Variants in SETBP1 observed in about 807,000 individuals in gnomAD.
SETBP1 encodes SET-binding protein.
A neutral mutation model predicts 101.0 loss-of-function variants in SETBP1; 9 were observed. The observed-to-expected ratio is 0.09, with a 90% confidence interval of 0.05 to 0.16. The LOEUF (loss-of-function observed/expected upper bound fraction) is 0.16. Among genes scored for constraint, SETBP1 ranks in the 10% least tolerant of loss-of-function variants. SETBP1 has a pLI of 1.00. For missense variants in SETBP1, 1,858 were observed against 2,033.8 expected (o/e 0.91, Z 1.66); for synonymous variants, 818 against 788.5 (o/e 1.04, Z -0.63).
chr18:44,773,371 C>T (rs1231101113), intron 2 of SETBP1, among the ~76,000 whole-genome samples: 1 of 152,060 alleles, frequency 6.6e-6, no homozygotes, highest in Non-Finnish European at 1.5e-5. Context: ...ACAGACATGG[C>T]CCCAAAGGAA....
chr18:45,017,237 A>G (rs2072966337), intron 4 of SETBP1, among the ~76,000 whole-genome samples: 1 of 152,176 alleles, frequency 6.6e-6, no homozygotes, highest in Non-Finnish European at 1.5e-5. Flanking sequence ...TGGGCACGAC[A>G]CACTTTCTCA....
chr18:44,738,177 C>G (rs1321247379), intron 2 of SETBP1, among the ~76,000 whole-genome samples: 1 of 152,076 alleles, frequency 6.6e-6, no homozygotes, highest in African/African-American at 2.4e-5. Context: ...TGGCTGTGTC[C>G]CTCTGTGAGA....
intron 4 of SETBP1, among the ~76,000 whole-genome samples, chr18:44,995,420 C>T (rs555292436): frequency 1.3e-5 from 2 of 151,958 alleles, no homozygotes; most frequent in Non-Finnish European, 2.9e-5. Context: ...GGATTATAGG[C>T]GTGAGCCACT....
intron 5 of SETBP1, 58 bp from the exon 6 acceptor site, chr18:45,063,020 GC>G (rs891341632): frequency 5.0e-6 from 8 of 1,609,426 alleles, no homozygotes; most frequent in Non-Finnish European, 5.9e-6. Context: ...CAGTGAAGAG[GC>G]TGAGTTGAAG....
At chr18:44,758,237 T>C (rs2070548325) in intron 2 of SETBP1, among the ~76,000 whole-genome samples, 1 of 152,224 alleles carries the variant, frequency 6.6e-6, no homozygotes, top group African/African-American at 2.4e-5. Flanking sequence ...TCCTGAGCTT[T>C]AGCCAAATTA....
chr18:44,888,898 T>C (rs2069708003), intron 3 of SETBP1, among the ~76,000 whole-genome samples: 9 of 152,140 alleles, frequency 5.9e-5, no homozygotes, highest in Admixed American at 5.9e-4. Context: ...TTTGAAATGG[T>C]ACCTACCTAT....
intron 3 of SETBP1, chr18:44,876,616 A>G (rs911127709): frequency 6.4e-7 from 1 of 1,551,506 alleles, no homozygotes; most frequent in Non-Finnish European, 8.7e-7. Context: ...AGGCCAAGGC[A>G]TCCCATTCAA....
chr18:44,869,604 T>C (rs1599252163), intron 3 of SETBP1: 1 of 376,984 alleles, frequency 2.7e-6, no homozygotes, highest in Non-Finnish European at 5.1e-6. Context: ...AGAGGGTGGG[T>C]TGGGTTTGGG....
chr18:44,780,264 A>G (rs1871260088), intron 2 of SETBP1, among the ~76,000 whole-genome samples: 1 of 152,156 alleles, frequency 6.6e-6, no homozygotes, highest in South Asian at 2.1e-4. Flanking sequence ...TTACAAATGA[A>G]GGAAACATAC....
At chr18:44,835,953 T>C (rs2072486001) in intron 2 of SETBP1, among the ~76,000 whole-genome samples, 1 of 152,244 alleles carries the variant, frequency 6.6e-6, no homozygotes, top group Non-Finnish European at 1.5e-5. Flanking sequence ...TGGAGCTTTC[T>C]TGGAATTAAG....
intron 3 of SETBP1, among the ~76,000 whole-genome samples, chr18:44,917,421 CTTTA>C (rs1374307390): frequency 6.6e-6 from 1 of 152,072 alleles, no homozygotes; most frequent in Non-Finnish European, 1.5e-5. Context: ...CTTTTACTTT[CTTTA>C]TTTGTTTATG....
At chr18:45,041,144 T>A (rs1251937562) in intron 5 of SETBP1, among the ~76,000 whole-genome samples, 1 of 152,234 alleles carries the variant, frequency 6.6e-6, no homozygotes, top group Non-Finnish European at 1.5e-5. Flanking sequence ...TACTGCCTGA[T>A]TTCCAGTGGA....
At chr18:44,753,531 C>A (rs1022023836) in intron 2 of SETBP1, among the ~76,000 whole-genome samples, 3 of 152,208 alleles carry the variant, frequency 2.0e-5, no homozygotes, top group African/African-American at 4.8e-5. Flanking sequence ...CATTATGGAG[C>A]CTTTCTAGGC....
intron 4 of SETBP1, chr18:44,986,441 G>A (rs909639852): frequency 4.6e-5 from 7 of 151,996 alleles, no homozygotes; most frequent in Non-Finnish European, 7.4e-5. Flanking sequence ...TACACTAAAT[G>A]TATAAAAAAA....
At chr18:45,032,213 G>A (rs1025631627) in intron 4 of SETBP1, among the ~76,000 whole-genome samples, 7 of 152,086 alleles carry the variant, frequency 4.6e-5, no homozygotes, top group Admixed American at 1.3e-4. Flanking sequence ...GATGAAAGGA[G>A]GTCACCTCAG....
intron 3 of SETBP1, among the ~76,000 whole-genome samples, chr18:44,939,214 C>T (rs937595415): frequency 2.6e-5 from 4 of 152,106 alleles, no homozygotes; most frequent in African/African-American, 9.7e-5. Flanking sequence ...TGGAAACTCC[C>T]TCATGCCCAT....
chr18:44,710,450 G>GTT (rs11375634), intron 2 of SETBP1, among the ~76,000 whole-genome samples: 2,767 of 123,320 alleles, frequency 0.022, 120 homozygotes, highest in East Asian at 0.08. Flanking sequence ...CATTTTAGGA[G>GTT]TTTTTTTTTT....
intron 2 of SETBP1, among the ~76,000 whole-genome samples, chr18:44,840,348 T>A (rs1050240871): frequency 6.6e-6 from 1 of 152,204 alleles, no homozygotes; most frequent in Admixed American, 6.5e-5. Context: ...AGCAGTGACA[T>A]GGCGCTACCT....
chr18:45,058,788 G>A (rs1429498691), intron 5 of SETBP1, among the ~76,000 whole-genome samples: 1 of 152,230 alleles, frequency 6.6e-6, no homozygotes, highest in Non-Finnish European at 1.5e-5. Context: ...CCTAATGCCT[G>A]ATGCCATCAA....
Sources: gnomAD v4.1 joint callset for allele counts (sites outside exome capture counted in the v4.1 genomes callset) on GRCh38, gnomAD v4.1.1 for gene constraint, MANE v1.5 for transcripts, NCBI Gene and HGNC (gene_info 2026-07-23, HGNC 2026-07-21) for gene names.